Variants in FRMD4A observed in about 807,000 individuals in gnomAD.
FRMD4A encodes the protein FERM domain containing 4A.
In FRMD4A, 29 loss-of-function variants were observed where a neutral mutation model predicts 129.1. The observed-to-expected ratio is 0.22, with a 90% CI of 0.17 to 0.31. The LOEUF is 0.31. Ranked by LOEUF, FRMD4A falls within the 10% of genes least tolerant of loss-of-function variation. The pLI is 1.00. For synonymous variants in FRMD4A, 634 were observed against 571.6 expected (o/e 1.11, Z -1.56); for missense variants, 1,272 against 1,375.8 (o/e 0.92, Z 1.19).
chr10:14,088,785 C>CAA (rs58056105), intron 2 of FRMD4A, among the ~76,000 whole-genome samples: 2,558 of 73,786 alleles, frequency 0.035, 124 homozygotes, highest in Admixed American at 0.052. Context: ...GACTCTGTCT[C>CAA]AAAAAAAAAA....
chr10:13,658,801 G>C (rs1321407358), intron 21 of FRMD4A, among the ~76,000 whole-genome samples: 2 of 148,858 alleles, frequency 1.3e-5, no homozygotes, highest in African/African-American at 5.0e-5. Flanking sequence ...AGAATCGCTT[G>C]AACACGGGAG....
chr10:13,702,385 T>C (rs1223380518), intron 13 of FRMD4A, among the ~76,000 whole-genome samples: 1 of 152,234 alleles, frequency 6.6e-6, no homozygotes, highest in East Asian at 1.9e-4. Flanking sequence ...TTTTTAAATC[T>C]ACATGGAGTA....
chr10:14,232,872 G>A (rs796703397), intron 2 of FRMD4A, among the ~76,000 whole-genome samples: 6 of 152,328 alleles, frequency 3.9e-5, no homozygotes, highest in South Asian at 2.1e-4. Flanking sequence ...CCTGCAAAGA[G>A]AGATAGTTTG....
Position 13,685,789 on chromosome 10 carries a change from C to T in FRMD4A, c.1117+8109G>A, listed in dbSNP as rs149538489. 343 of 185,708 alleles carry T rather than the reference C, an allele frequency of 1.8e-3. 1 individual carries two copies. The highest frequency in any genetic ancestry group is 7.8e-3 in the African/African-American group (329 of 42,184). The allele number at this position is 185,708 out of a possible 1,614,324, so 11.5% of individuals were successfully genotyped here. ...CACCACTGCACTCAGGGCGACAGAGCGAGACCCTGTCTCAAAAAAAAGTTA... is the reference window on the plus strand; with the variant it reads ...CACCACTGCACTCAGGGCGACAGAGTGAGACCCTGTCTCAAAAAAAAGTTA... On this transcript the variant is annotated intron_variant, in intron 15 of 24. Transcript: ENST00000357447.
At chr10:14,007,574 C>T (rs1312042775) in intron 2 of FRMD4A, 1 of 153,076 alleles carries the variant, frequency 6.5e-6, no homozygotes, top group Admixed American at 6.5e-5. Context: ...GGGAAAAAAG[C>T]ATGTAATCAA....
chr10:14,196,667 G>T (rs1035413722), intron 2 of FRMD4A, among the ~76,000 whole-genome samples: 1 of 152,180 alleles, frequency 6.6e-6, no homozygotes, highest in African/African-American at 2.4e-5. Context: ...AGTCTAAAGT[G>T]TACTTTACAT....
At chr10:13,872,811 G>A (rs992856516) in intron 2 of FRMD4A, among the ~76,000 whole-genome samples, 5 of 152,182 alleles carry the variant, frequency 3.3e-5, no homozygotes, top group Non-Finnish European at 4.4e-5. Flanking sequence ...TAGAATGAGA[G>A]GCTTTTTTCA....
At chr10:14,192,441 T>C (rs1170065962) in intron 2 of FRMD4A, among the ~76,000 whole-genome samples, 2 of 152,244 alleles carry the variant, frequency 1.3e-5, no homozygotes, top group Non-Finnish European at 2.9e-5. Flanking sequence ...TACATTCACA[T>C]AACAAAACTC....
chr10:13,915,193 G>A (rs145453316), intron 2 of FRMD4A, among the ~76,000 whole-genome samples: 3,604 of 152,302 alleles, frequency 0.024, 64 homozygotes, highest in Non-Finnish European at 0.038. Flanking sequence ...CATTTAGGAT[G>A]AGGAAGTGTT....
At chr10:14,097,891 C>G (rs1432903907) in intron 2 of FRMD4A, among the ~76,000 whole-genome samples, 3 of 145,098 alleles carry the variant, frequency 2.1e-5, no homozygotes, top group African/African-American at 7.5e-5. Context: ...ATATAATTTA[C>G]AATATGCATT....
At chr10:13,707,265 C>T in intron 12 of FRMD4A, 152 bp from the exon 13 acceptor site, 1 of 770,458 alleles carries the variant, frequency 1.3e-6, no homozygotes, top group Non-Finnish European at 2.0e-6. Flanking sequence ...TTGACACACA[C>T]ACACACATAC....
chr10:13,924,413 T>A (rs1189379452), intron 2 of FRMD4A, among the ~76,000 whole-genome samples: 1 of 150,986 alleles, frequency 6.6e-6, no homozygotes, highest in African/African-American at 2.4e-5. Flanking sequence ...CTCGTTCCTT[T>A]TTTTTTTTCC....
chr10:14,035,296 C>A (rs1833444549), intron 2 of FRMD4A, among the ~76,000 whole-genome samples: 1 of 151,858 alleles, frequency 6.6e-6, no homozygotes, highest in Non-Finnish European at 1.5e-5. Context: ...TCTGTAATCC[C>A]AGGTACTCAG....
At chr10:14,171,071 C>A (rs990902094) in intron 2 of FRMD4A, among the ~76,000 whole-genome samples, 3 of 150,602 alleles carry the variant, frequency 2.0e-5, no homozygotes, top group Non-Finnish European at 4.4e-5. Context: ...AGAAGCAGGG[C>A]TCAGAAGATT....
intron 6 of FRMD4A, among the ~76,000 whole-genome samples, chr10:13,775,935 A>C (rs1369656583): frequency 6.6e-6 from 1 of 152,230 alleles, no homozygotes; most frequent in African/African-American, 2.4e-5. Flanking sequence ...CCTTTGGGTA[A>C]AACAATGGGT....
chr10:13,701,628 C>T (rs1382809799), intron 13 of FRMD4A, 150 bp from the exon 14 acceptor site: 3 of 653,298 alleles, frequency 4.6e-6, no homozygotes, highest in Non-Finnish European at 8.0e-6. Flanking sequence ...GGCGTACACA[C>T]ACACACATGC....
intron 2 of FRMD4A, among the ~76,000 whole-genome samples, chr10:13,893,861 T>C (rs911441713): frequency 6.6e-6 from 1 of 151,912 alleles, no homozygotes; most frequent in Non-Finnish European, 1.5e-5. Flanking sequence ...AGAGGAGTTG[T>C]TGAATTTTAT....
intron 2 of FRMD4A, among the ~76,000 whole-genome samples, chr10:14,120,702 T>G (rs1838459664): frequency 6.6e-6 from 1 of 152,142 alleles, no homozygotes; most frequent in Admixed American, 6.6e-5. Context: ...CACTTCTAGT[T>G]TTTTGGGGAG....
intron 2 of FRMD4A, among the ~76,000 whole-genome samples, chr10:14,056,610 C>T (rs533772946): frequency 6.6e-6 from 1 of 152,156 alleles, no homozygotes; most frequent in East Asian, 1.9e-4. Flanking sequence ...TTTCTCCAGT[C>T]GCATCCTCTG....
Sources: gnomAD v4.1 joint callset for allele counts (sites outside exome capture counted in the v4.1 genomes callset) on GRCh38, gnomAD v4.1.1 for gene constraint, MANE v1.5 for transcripts, NCBI Gene and HGNC (gene_info 2026-07-23, HGNC 2026-07-21) for gene names.